CACNA2D1: variants seen among roughly 807,000 people sequenced by gnomAD.
The protein encoded by CACNA2D1 is calcium voltage-gated channel auxiliary subunit alpha2delta 1.
CACNA2D1 carries 53 observed loss-of-function variants against 171.5 expected under a neutral mutation model. The ratio of observed to expected loss-of-function variants is 0.31; its 90% CI spans 0.25 to 0.39. The LOEUF is 0.39. Among genes scored for constraint, CACNA2D1 ranks in the 10% least tolerant of loss-of-function variants. The pLI is 1.00. For synonymous variants in CACNA2D1, 442 were observed against 443.1 expected, an observed-to-expected ratio of 1.00 and a Z score of 0.03; for missense variants, 903 against 1,299.8, an observed-to-expected ratio of 0.69 and a Z score of 4.69.
At chr7:82,056,497 G>A (rs1805924764) in intron 10 of CACNA2D1, among the ~76,000 whole-genome samples, 1 of 152,126 alleles carries the variant, frequency 6.6e-6, no homozygotes, top group African/African-American at 2.4e-5. Flanking sequence ...AGCTCTGTAT[G>A]TGTCAACTGT....
At chr7:82,291,481 ATATTAT>A (rs2129398978) in intron 3 of CACNA2D1, among the ~76,000 whole-genome samples, 2 of 134,454 alleles carry the variant, frequency 1.5e-5, no homozygotes, top group South Asian at 4.3e-4. Context: ...ATATAAAAAT[ATATTAT>A]ATATATTTTT....
rs1822770607 is a variant in CACNA2D1, at chr7:82,374,388, T to C, written c.96-24739A>G. Reference sequence around the variant, plus strand: ...TCAAATCAGAGCGTACAGACACGGCTCTATTTGTAATAGGTTGACTTAATT... The same window carrying C: ...TCAAATCAGAGCGTACAGACACGGCCCTATTTGTAATAGGTTGACTTAATT... On this transcript the variant is annotated intron_variant, in intron 1 of 38. Transcript: ENST00000356860. Among the ~76,000 whole-genome samples, 5 of 152,254 alleles carry C rather than the reference T, an allele frequency of 3.3e-5. No homozygotes were observed. In the South Asian group the frequency reaches 1.0e-3, roughly 32 times the overall value.
chr7:82,304,960 C>T (rs1406419437), intron 3 of CACNA2D1, among the ~76,000 whole-genome samples: 1 of 152,074 alleles, frequency 6.6e-6, no homozygotes, highest in Non-Finnish European at 1.5e-5. Flanking sequence ...ATGCATGTAA[C>T]AAAATATCAT....
chr7:82,064,749 A>T (rs964055073), intron 8 of CACNA2D1, among the ~76,000 whole-genome samples: 2 of 152,196 alleles, frequency 1.3e-5, no homozygotes, highest in African/African-American at 4.8e-5. Context: ...CAAAAAATAG[A>T]TAAGTTGCTT....
intron 1 of CACNA2D1, among the ~76,000 whole-genome samples, chr7:82,362,050 C>G (rs1821136244): frequency 6.6e-6 from 1 of 152,056 alleles, no homozygotes; most frequent in African/African-American, 2.4e-5. Context: ...ATCTCAGATA[C>G]AGGTAGGAAG....
chr7:82,400,202 T>C (rs907396134), intron 1 of CACNA2D1, among the ~76,000 whole-genome samples: 2 of 151,246 alleles, frequency 1.3e-5, no homozygotes, highest in African/African-American at 4.9e-5. Flanking sequence ...TTTGGTTCCA[T>C]ATGAACTTTA....
intron 4 of CACNA2D1, among the ~76,000 whole-genome samples, chr7:82,147,098 A>G (rs1345639180): frequency 6.6e-6 from 1 of 151,764 alleles, no homozygotes; most frequent in Non-Finnish European, 1.5e-5. Context: ...ACAGTCAAAA[A>G]AAAAGTGTAG....
intron 10 of CACNA2D1, among the ~76,000 whole-genome samples, chr7:82,051,722 T>C (rs915919038): frequency 4.6e-5 from 7 of 152,192 alleles, no homozygotes; most frequent in Admixed American, 2.0e-4. Context: ...ACTCCTAAAA[T>C]GTCAAACTCC....
At chr7:82,338,849 T>A (rs1195617393) in intron 2 of CACNA2D1, among the ~76,000 whole-genome samples, 1 of 152,180 alleles carries the variant, frequency 6.6e-6, no homozygotes, top group Non-Finnish European at 1.5e-5. Context: ...AGGGTCGGTA[T>A]GTCTGCTAGG....
At chr7:82,088,779 C>T (rs1293277392) in intron 6 of CACNA2D1, among the ~76,000 whole-genome samples, 2 of 151,940 alleles carry the variant, frequency 1.3e-5, no homozygotes, top group African/African-American at 4.8e-5. Flanking sequence ...TTTATATTCT[C>T]AATTATATAT....
chr7:82,409,547 T>C (rs1827420499), intron 1 of CACNA2D1, among the ~76,000 whole-genome samples: 1 of 152,192 alleles, frequency 6.6e-6, no homozygotes, highest in Non-Finnish European at 1.5e-5. Flanking sequence ...GGGTAAATTC[T>C]TAAAAATACC....
rs1805674879 is a variant in CACNA2D1, at chr7:82,055,229, T to C, written c.879+5199A>G. Among the ~76,000 whole-genome samples, 3 of 152,144 alleles carry C rather than the reference T, an allele frequency of 2.0e-5. No individual in the cohort carries two copies. The South Asian group carries it at 6.2e-4, about 31-fold the overall frequency. On this transcript the variant is annotated intron_variant, in intron 10 of 38. Coordinates refer to ENST00000356860, the MANE Select transcript of CACNA2D1 (RefSeq NM_000722.4). The stretch of plus-strand genomic sequence containing the variant: ...GACTTCAGAATATAAAATTCTGGAT[T>C]CCCCTATACCCTCTGGACAGGCAAA...
intron 6 of CACNA2D1, among the ~76,000 whole-genome samples, chr7:82,097,719 A>C (rs186122924): frequency 6.6e-6 from 1 of 152,322 alleles, no homozygotes; most frequent in Admixed American, 6.5e-5. Flanking sequence ...TATAAGGAAG[A>C]ATCAGATTTG....
chr7:82,184,227 G>A (rs1329348574), intron 3 of CACNA2D1, among the ~76,000 whole-genome samples: 1 of 146,786 alleles, frequency 6.8e-6, no homozygotes, highest in Non-Finnish European at 1.5e-5. Context: ...ACATTCTGTG[G>A]CAAAGAGTGT....
chr7:82,038,333 T>G, intron 10 of CACNA2D1, 98 bp from the exon 11 acceptor site: 9 of 1,016,744 alleles, frequency 8.9e-6, no homozygotes, highest in Non-Finnish European at 1.3e-5. Flanking sequence ...GGTATTGCAT[T>G]GCTTACTCTT....
chr7:82,242,998 A>G (rs1324326763), intron 3 of CACNA2D1, among the ~76,000 whole-genome samples: 1 of 152,142 alleles, frequency 6.6e-6, no homozygotes, highest in Non-Finnish European at 1.5e-5. Context: ...GAAACTTTTT[A>G]AAGTATTCAA....
intron 1 of CACNA2D1, among the ~76,000 whole-genome samples, chr7:82,368,352 T>C (rs1013048873): frequency 6.6e-6 from 1 of 152,262 alleles, no homozygotes; most frequent in African/African-American, 2.4e-5. Flanking sequence ...TTTAACATTA[T>C]ATGGCTTTGC....
intron 4 of CACNA2D1, 90 bp from the exon 5 acceptor site, chr7:82,136,766 C>A (rs547130419): frequency 4.6e-6 from 4 of 866,714 alleles, no homozygotes. Flanking sequence ...ATAAAATAAA[C>A]TCCTTGTCAT....
chr7:82,246,071 T>C (rs1173772849), intron 3 of CACNA2D1, among the ~76,000 whole-genome samples: 1 of 151,946 alleles, frequency 6.6e-6, no homozygotes, highest in Non-Finnish European at 1.5e-5. Flanking sequence ...CTAGGTTTTT[T>C]AAAAGACACC....
Sources: gnomAD v4.1 joint callset for allele counts (sites outside exome capture counted in the v4.1 genomes callset) on GRCh38, gnomAD v4.1.1 for gene constraint, MANE v1.5 for transcripts, NCBI Gene and HGNC (gene_info 2026-07-23, HGNC 2026-07-21) for gene names.